Variants in UBASH3B observed in about 807,000 individuals in gnomAD.
UBASH3B encodes ubiquitin-associated and SH3 domain-containing protein B.
UBASH3B carries 37 observed loss-of-function variants against 83.4 expected under a neutral mutation model. The ratio of observed to expected loss-of-function variants is 0.44; its 90% CI spans 0.34 to 0.58. The LOEUF (loss-of-function observed/expected upper bound fraction) is 0.58, where lower values mean the gene tolerates loss of function less well. UBASH3B is among the 20% of genes least tolerant of loss of function. The pLI is 0.01. For synonymous variants in UBASH3B, 304 were observed against 318.3 expected, an observed-to-expected ratio of 0.96 and a Z score of 0.48; for missense variants, 657 against 827.2, an observed-to-expected ratio of 0.79 and a Z score of 2.52.
rs774447691 is a variant in UBASH3B at position 122,789,087 on chromosome 11, C to A, written c.772-13C>A. ...GAGGCATGGGGCTCACTCACCCTCT[C>A]TTCCTTTTCCAGACATTACAGGTCA... On this transcript the variant is annotated splice_polypyrimidine_tract_variant and intron_variant, in intron 5 of 13. Coordinates refer to ENST00000284273, the MANE Select transcript of UBASH3B (RefSeq NM_032873.5). The A allele has an allele frequency of 6.8e-6, 11 of 1,608,096 alleles. No individual in the cohort carries two copies. In the Admixed American group the frequency reaches 1.3e-4, roughly 20 times the overall value.
At chr11:122,765,377 G>A (rs563898012) in intron 1 of UBASH3B, among the ~76,000 whole-genome samples, 10 of 152,308 alleles carry the variant, frequency 6.6e-5, no homozygotes, top group Admixed American at 2.0e-4. Flanking sequence ...AGGGAAGGAC[G>A]GGCACTTGCG....
chr11:122,659,813 A>G (rs1452784878), intron 1 of UBASH3B, among the ~76,000 whole-genome samples: 1 of 152,064 alleles, frequency 6.6e-6, no homozygotes, highest in Non-Finnish European at 1.5e-5. Context: ...CTTTTGACAG[A>G]GTGACAGCAG....
chr11:122,673,683 C>A (rs898371005), intron 1 of UBASH3B, among the ~76,000 whole-genome samples: 1 of 152,068 alleles, frequency 6.6e-6, no homozygotes, highest in Non-Finnish European at 1.5e-5. Flanking sequence ...GAAGGCCTGG[C>A]GCTCTTTCTA....
At chr11:122,706,910 C>T (rs1402721242) in intron 1 of UBASH3B, among the ~76,000 whole-genome samples, 1 of 152,074 alleles carries the variant, frequency 6.6e-6, no homozygotes, top group Non-Finnish European at 1.5e-5. Context: ...TGACTTTGGA[C>T]CTAAATTCTG....
intron 1 of UBASH3B, among the ~76,000 whole-genome samples, chr11:122,689,335 A>G (rs754437740): frequency 6.6e-6 from 1 of 152,158 alleles, no homozygotes; most frequent in Non-Finnish European, 1.5e-5. Flanking sequence ...CTGCATTTCT[A>G]GTACATGAAT....
intron 1 of UBASH3B, among the ~76,000 whole-genome samples, chr11:122,698,668 CA>C (rs200234791): frequency 0.015 from 2,222 of 152,206 alleles, 33 homozygotes; most frequent in Non-Finnish European, 0.022. Context: ...CTACAATGGT[CA>C]GAACCTAAAG....
intron 1 of UBASH3B, among the ~76,000 whole-genome samples, chr11:122,725,342 A>AAAAAAAAAAAAAAAAAAAAGAGAG (rs71281633): frequency 1.5e-5 from 2 of 130,780 alleles, no homozygotes; most frequent in Non-Finnish European, 3.2e-5. Context: ...AAAAAAAAAA[A>AAAAAAAAAAAAAAAAAAAAGAGAG]AAGAAAAGAA....
At chr11:122,719,743 AAACT>A (rs1860589793) in intron 1 of UBASH3B, among the ~76,000 whole-genome samples, 1 of 152,130 alleles carries the variant, frequency 6.6e-6, no homozygotes, top group African/African-American at 2.4e-5. Flanking sequence ...CTTTTCTCTT[AAACT>A]TATTTCAATC....
At chr11:122,680,489 GT>G (rs1406933293) in intron 1 of UBASH3B, among the ~76,000 whole-genome samples, 4 of 152,136 alleles carry the variant, frequency 2.6e-5, no homozygotes, top group Admixed American at 6.5e-5. Flanking sequence ...TTGAAACGGA[GT>G]TTCGCTCTTG....
chr11:122,765,264 G>T (rs1369426033), intron 1 of UBASH3B, among the ~76,000 whole-genome samples: 1 of 152,194 alleles, frequency 6.6e-6, no homozygotes, highest in African/African-American at 2.4e-5. Context: ...TTCCTCTAAT[G>T]CCAAGAAGCC....
chr11:122,791,576 C>T (rs1370438474), intron 6 of UBASH3B, among the ~76,000 whole-genome samples: 1 of 152,198 alleles, frequency 6.6e-6, no homozygotes, highest in Non-Finnish European at 1.5e-5. Flanking sequence ...ATGAACTGCA[C>T]TTTCCTATTT....
intron 1 of UBASH3B, among the ~76,000 whole-genome samples, chr11:122,672,029 T>G (rs993250697): frequency 4.6e-5 from 7 of 151,974 alleles, no homozygotes; most frequent in African/African-American, 7.3e-5. Flanking sequence ...CGATGTTTAG[T>G]CTGGAAAAGA....
intron 1 of UBASH3B, among the ~76,000 whole-genome samples, chr11:122,715,225 A>G (rs963546537): frequency 2.6e-5 from 4 of 151,954 alleles, no homozygotes; most frequent in Non-Finnish European, 4.4e-5. Context: ...GATTACAGGC[A>G]TGAGCCACTG....
At chr11:122,667,942 A>C (rs1005015051) in intron 1 of UBASH3B, among the ~76,000 whole-genome samples, 2 of 152,086 alleles carry the variant, frequency 1.3e-5, no homozygotes, top group Non-Finnish European at 2.9e-5. Flanking sequence ...TCTTTTTTCC[A>C]TATCAGGCTA....
intron 1 of UBASH3B, among the ~76,000 whole-genome samples, chr11:122,688,271 C>G (rs1863833011): frequency 6.6e-6 from 1 of 151,630 alleles, no homozygotes; most frequent in African/African-American, 2.4e-5. Context: ...TTCCCTTCCT[C>G]CCCTTCCTTC....
At chr11:122,682,413 GAGA>G (rs1214612960) in intron 1 of UBASH3B, among the ~76,000 whole-genome samples, 1 of 152,174 alleles carries the variant, frequency 6.6e-6, no homozygotes, top group Non-Finnish European at 1.5e-5. Flanking sequence ...CACTTGTCCT[GAGA>G]AGTTCACTTG....
chr11:122,794,641 G>A (rs12801032), intron 6 of UBASH3B, 61 bp from the exon 7 acceptor site: 1 of 1,608,466 alleles, frequency 6.2e-7, no homozygotes. Context: ...GTTGAGCCCA[G>A]GAGGAAGTGC....
At chr11:122,697,964 G>A (rs1406868844) in intron 1 of UBASH3B, among the ~76,000 whole-genome samples, 3 of 152,276 alleles carry the variant, frequency 2.0e-5, no homozygotes, top group Middle Eastern at 3.4e-3. Flanking sequence ...GCACTGGGGC[G>A]TGGCGATGTA....
chr11:122,665,189 G>A (rs1246386010), intron 1 of UBASH3B, among the ~76,000 whole-genome samples: 2 of 152,072 alleles, frequency 1.3e-5, no homozygotes, highest in Admixed American at 6.6e-5. Flanking sequence ...GAGCCACTGC[G>A]CCCGGCTCGT....
Sources: gnomAD v4.1 joint callset for allele counts (sites outside exome capture counted in the v4.1 genomes callset) on GRCh38, gnomAD v4.1.1 for gene constraint, MANE v1.5 for transcripts, NCBI Gene and HGNC (gene_info 2026-07-23, HGNC 2026-07-21) for gene names.